The following NPAS3 variants were observed in gnomAD, a reference collection of about 807,000 sequenced individuals.
NPAS3 encodes the protein neuronal PAS domain-containing protein 3.
A neutral mutation model predicts 73.1 loss-of-function variants in NPAS3; 14 were observed. The observed-to-expected ratio is 0.19, with a 90% CI of 0.13 to 0.30. The LOEUF (loss-of-function observed/expected upper bound fraction) is 0.30. Ranked by LOEUF, NPAS3 falls within the 10% of genes least tolerant of loss-of-function variation. The probability of loss-of-function intolerance (pLI) is 1.00; values close to 1 mark genes in which losing one functional copy is unlikely to be tolerated. For synonymous variants in NPAS3, 620 were observed against 541.5 expected (o/e 1.14, Z -2.01); for missense variants, 1,096 against 1,250.0 (o/e 0.88, Z 1.86).
intron 5 of NPAS3, among the ~76,000 whole-genome samples, chr14:33,573,456 A>C (rs1169279575): frequency 2.6e-5 from 4 of 152,240 alleles, no homozygotes; most frequent in Non-Finnish European, 5.9e-5. Flanking sequence ...GATCCACTAC[A>C]AATCATGAAG....
intron 3 of NPAS3, 142 bp from the exon 4 acceptor site, chr14:33,367,044 C>G (rs1280409508): frequency 2.3e-6 from 1 of 444,158 alleles, no homozygotes; most frequent in Non-Finnish European, 4.1e-6. Flanking sequence ...CAACTCAGAA[C>G]TAAAATTAAT....
chr14:33,538,722 A>T (rs2054367651), intron 4 of NPAS3, among the ~76,000 whole-genome samples: 1 of 152,240 alleles, frequency 6.6e-6, no homozygotes, highest in Non-Finnish European at 1.5e-5. Context: ...GAATTTACTT[A>T]CATAAAGGCT....
intron 4 of NPAS3, among the ~76,000 whole-genome samples, chr14:33,542,500 G>A (rs990859878): frequency 2.6e-5 from 4 of 152,040 alleles, no homozygotes; most frequent in South Asian, 2.1e-4. Flanking sequence ...CCTTTCAGCC[G>A]TTTCCTATTA....
At chr14:33,174,507 G>T (rs976075041) in intron 2 of NPAS3, among the ~76,000 whole-genome samples, 2 of 152,184 alleles carry the variant, frequency 1.3e-5, no homozygotes, top group Non-Finnish European at 2.9e-5. Context: ...TAACTCCCAA[G>T]GAGCTAAGTA....
At chr14:33,580,914 T>C (rs925089235) in intron 5 of NPAS3, among the ~76,000 whole-genome samples, 2 of 152,114 alleles carry the variant, frequency 1.3e-5, no homozygotes, top group Non-Finnish European at 2.9e-5. Flanking sequence ...CCGCCAAACA[T>C]GTTAATCCAT....
intron 4 of NPAS3, among the ~76,000 whole-genome samples, chr14:33,382,358 A>G (rs375990537): frequency 6.6e-6 from 1 of 152,200 alleles, no homozygotes; most frequent in Non-Finnish European, 1.5e-5. Context: ...CTAAATTATT[A>G]GATTGGGTTT....
intron 6 of NPAS3, among the ~76,000 whole-genome samples, chr14:33,710,771 G>C (rs1566453322): frequency 1.3e-5 from 2 of 152,150 alleles, no homozygotes; most frequent in African/African-American, 2.4e-5. Flanking sequence ...TTTATTCTAG[G>C]CTTCCATAAT....
intron 4 of NPAS3, among the ~76,000 whole-genome samples, chr14:33,471,804 A>C (rs1400914671): frequency 6.6e-6 from 1 of 152,236 alleles, no homozygotes; most frequent in East Asian, 1.9e-4. Context: ...ACTGGGCTGC[A>C]CAACAGGAGG....
intron 8 of NPAS3, among the ~76,000 whole-genome samples, chr14:33,774,936 G>C (rs571596784): frequency 6.6e-6 from 1 of 152,060 alleles, no homozygotes; most frequent in Admixed American, 6.5e-5. Flanking sequence ...CGCTAAGCAT[G>C]GAAAGAACAA....
chr14:33,440,129 A>AAG (rs2049178600), intron 4 of NPAS3, among the ~76,000 whole-genome samples: 1 of 151,012 alleles, frequency 6.6e-6, no homozygotes, highest in Non-Finnish European at 1.5e-5. Context: ...AAAAAAAAAA[A>AAG]AAGAAAAAAG....
At chr14:33,462,101 A>G (rs1198689579) in intron 4 of NPAS3, among the ~76,000 whole-genome samples, 1 of 152,212 alleles carries the variant, frequency 6.6e-6, no homozygotes, top group Non-Finnish European at 1.5e-5. Context: ...AGTGGAAACC[A>G]TCATTACAGG....
chr14:33,500,162 A>G (rs980007914), intron 4 of NPAS3, among the ~76,000 whole-genome samples: 4 of 151,884 alleles, frequency 2.6e-5, no homozygotes, highest in Non-Finnish European at 4.4e-5. Context: ...TATACAACCA[A>G]TCAAACCCAC....
chr14:33,303,047 GA>G (rs1489666495), intron 3 of NPAS3, among the ~76,000 whole-genome samples: 1 of 151,962 alleles, frequency 6.6e-6, no homozygotes, highest in Non-Finnish European at 1.5e-5. Context: ...ATTCCATTTG[GA>G]AAAGCTGTTT....
chr14:33,675,093 A>C (rs2059722209), intron 5 of NPAS3, among the ~76,000 whole-genome samples: 1 of 151,750 alleles, frequency 6.6e-6, no homozygotes, highest in African/African-American at 2.4e-5. Context: ...GACAGTCTGA[A>C]GCTCTGGCAG....
intron 2 of NPAS3, among the ~76,000 whole-genome samples, chr14:33,089,543 G>T (rs1002639388): frequency 6.6e-6 from 1 of 152,160 alleles, no homozygotes; most frequent in African/African-American, 2.4e-5. Context: ...TGAAACTGAC[G>T]GGGAGAGTGG....
chr14:33,032,213 C>T (rs2040019899), intron 1 of NPAS3, among the ~76,000 whole-genome samples: 1 of 152,170 alleles, frequency 6.6e-6, no homozygotes, highest in Non-Finnish European at 1.5e-5. Context: ...CCAGACTGAA[C>T]ATTTGACTTA....
chr14:33,057,517 A>AT (rs2040933517), intron 2 of NPAS3, among the ~76,000 whole-genome samples: 1 of 152,172 alleles, frequency 6.6e-6, no homozygotes, highest in South Asian at 2.1e-4. Flanking sequence ...ACTGTTGTTT[A>AT]TTTTTAATTA....
intron 4 of NPAS3, among the ~76,000 whole-genome samples, chr14:33,518,338 G>C (rs1398797329): frequency 6.6e-6 from 1 of 152,052 alleles, no homozygotes; most frequent in African/African-American, 2.4e-5. Context: ...TGGATGGCAA[G>C]GTAAGGAGGA....
intron 3 of NPAS3, among the ~76,000 whole-genome samples, chr14:33,254,743 C>T (rs958003222): frequency 1.3e-5 from 2 of 152,102 alleles, no homozygotes; most frequent in Non-Finnish European, 2.9e-5. Flanking sequence ...AAGGAGCAGA[C>T]TACAGAATCA....
Sources: gnomAD v4.1 joint callset for allele counts (sites outside exome capture counted in the v4.1 genomes callset) on GRCh38, gnomAD v4.1.1 for gene constraint, MANE v1.5 for transcripts, NCBI Gene and HGNC (gene_info 2026-07-23, HGNC 2026-07-21) for gene names.